Variants in PCDH15 observed in about 807,000 individuals in gnomAD.
PCDH15 encodes the protein protocadherin related 15.
A neutral mutation model predicts 178.5 loss-of-function variants in PCDH15; 129 were observed. The observed-to-expected ratio is 0.72, with a 90% confidence interval of 0.63 to 0.84. PCDH15 has a LOEUF of 0.84. Ranked by LOEUF, PCDH15 falls within the 40% of genes least tolerant of loss-of-function variation. The pLI is 0.00. For missense variants in PCDH15, 2,230 were observed against 2,099.9 expected, an observed-to-expected ratio of 1.06 and a Z score of -1.21; for synonymous variants, 800 against 732.0, an observed-to-expected ratio of 1.09 and a Z score of -1.50.
chr10:54,438,731 C>T (rs2075603572), intron 3 of PCDH15, among the ~76,000 whole-genome samples: 1 of 152,014 alleles, frequency 6.6e-6, no homozygotes, highest in African/African-American at 2.4e-5. Flanking sequence ...ATGCTGAGTG[C>T]CAGCAGGGGA....
intron 2 of PCDH15, among the ~76,000 whole-genome samples, chr10:55,449,667 ATTAATC>A (rs1839392305): frequency 6.6e-6 from 1 of 152,192 alleles, no homozygotes; most frequent in Admixed American, 6.6e-5. Flanking sequence ...AGATTTTTAT[ATTAATC>A]TTAAAGACCT....
At chr10:54,260,391 A>G (rs1348433635) in intron 8 of PCDH15, among the ~76,000 whole-genome samples, 1 of 78,400 alleles carries the variant, frequency 1.3e-5, no homozygotes, top group African/African-American at 4.1e-5. Context: ...TAACTATGCT[A>G]GTTTAAAAAA....
intron 4 of PCDH15, among the ~76,000 whole-genome samples, chr10:54,376,453 T>A (rs1374660755): frequency 7.3e-5 from 11 of 150,834 alleles, no homozygotes; most frequent in African/African-American, 2.2e-4. Flanking sequence ...TATATGAATA[T>A]CATAGTATTA....
chr10:54,768,920 A>C (rs1948798081), intron 1 of PCDH15, among the ~76,000 whole-genome samples: 1 of 152,112 alleles, frequency 6.6e-6, no homozygotes, highest in Admixed American at 6.5e-5. Flanking sequence ...GTTCTGTGCC[A>C]GGACAGGACT....
chr10:54,104,769 G>T (rs956908824), intron 15 of PCDH15, among the ~76,000 whole-genome samples: 1 of 150,442 alleles, frequency 6.6e-6, no homozygotes, highest in African/African-American at 2.5e-5. Flanking sequence ...CCCAGGAGGT[G>T]GAGCTTGCAG....
intron 2 of PCDH15, among the ~76,000 whole-genome samples, chr10:55,014,520 T>A (rs1840123673): frequency 6.7e-6 from 1 of 149,864 alleles, no homozygotes; most frequent in Admixed American, 6.7e-5. Flanking sequence ...AATATTTTTG[T>A]ACTAGTGAGC....
At chr10:54,403,399 A>G (rs1952191809) in intron 3 of PCDH15, among the ~76,000 whole-genome samples, 1 of 152,070 alleles carries the variant, frequency 6.6e-6, no homozygotes, top group Non-Finnish European at 1.5e-5. Flanking sequence ...ACACACATTC[A>G]TGTCAAAAAC....
At chr10:54,231,800 T>C (rs1389934403) in intron 9 of PCDH15, among the ~76,000 whole-genome samples, 1 of 152,126 alleles carries the variant, frequency 6.6e-6, no homozygotes, top group Non-Finnish European at 1.5e-5. Context: ...CCCTCCTGGG[T>C]TTTGGACTTC....
intron 16 of PCDH15, among the ~76,000 whole-genome samples, chr10:54,085,875 G>T (rs1418457802): frequency 6.6e-6 from 1 of 152,086 alleles, no homozygotes; most frequent in East Asian, 1.9e-4. Context: ...GTATTATAAT[G>T]ATGCGTATTG....
intron 3 of PCDH15, among the ~76,000 whole-genome samples, chr10:54,886,202 ATAGTTAATAATAGGAAAAT>A (rs1954355257): frequency 1.3e-5 from 2 of 150,422 alleles, no homozygotes; most frequent in African/African-American, 5.0e-5. Flanking sequence ...CATTTAATTT[ATAGTTAATAATAGGAAAAT>A]ATTTAATCCT....
intron 9 of PCDH15, among the ~76,000 whole-genome samples, chr10:54,219,485 C>T (rs1175801449): frequency 7.4e-6 from 1 of 134,546 alleles, no homozygotes; most frequent in Non-Finnish European, 1.6e-5. Flanking sequence ...CCCAGCTACT[C>T]GGGAGGCTGA....
intron 25 of PCDH15, among the ~76,000 whole-genome samples, chr10:53,918,713 AACACACACACACACACACACAC>A (rs5741702): frequency 0.087 from 12,816 of 147,008 alleles, 1,114 homozygotes; most frequent in East Asian, 0.24. Flanking sequence ...CAAATACACA[AACACACACACACACACACACAC>A]ACACACACAC....
chr10:54,517,418 C>G (rs2082349059), intron 3 of PCDH15, among the ~76,000 whole-genome samples: 1 of 152,106 alleles, frequency 6.6e-6, no homozygotes, highest in African/African-American at 2.4e-5. Context: ...ATCCTAGTCT[C>G]TGATAAAACA....
intron 20 of PCDH15, among the ~76,000 whole-genome samples, chr10:53,996,665 A>C (rs1589826404): frequency 6.6e-6 from 1 of 152,270 alleles, no homozygotes; most frequent in East Asian, 1.9e-4. Flanking sequence ...CCTGAAAGGA[A>C]GACCATATTT....
intron 9 of PCDH15, among the ~76,000 whole-genome samples, chr10:54,229,351 G>T (rs919594420): frequency 1.3e-5 from 2 of 152,134 alleles, no homozygotes; most frequent in African/African-American, 4.8e-5. Context: ...TAAAATACAT[G>T]TATAATTCTT....
intron 2 of PCDH15, among the ~76,000 whole-genome samples, chr10:55,324,646 C>G (rs976173399): frequency 6.6e-6 from 1 of 151,982 alleles, no homozygotes; most frequent in Non-Finnish European, 1.5e-5. Flanking sequence ...TTCAACACAC[C>G]ACTGAGAGTA....
At position 54,369,242 on chromosome 10, in the gene PCDH15, C is replaced by A; in HGVS notation, c.352G>T (p.Val118Phe). 6.2e-7 allele frequency: 1 copy of A among 1,612,732 alleles called. No individual in the cohort carries two copies. Among genetic ancestry groups the A allele is most frequent in the Non-Finnish European group, 8.5e-7 (1 of 1,179,258 alleles). The change falls in exon 5 of 38, where the codon GTC becomes TTC. Residue 118 changes from valine (V) to phenylalanine (F), a missense_variant. Transcript: ENST00000644397. ...PMNIHSIVVQ[V>F]QCINKKVGTI... ...CCCACTTTTTTGTTGATGCACTGGACCTGCACCACAATGGAGTGTATGTTC... is the reference window on the plus strand; with the variant it reads ...CCCACTTTTTTGTTGATGCACTGGAACTGCACCACAATGGAGTGTATGTTC...
At chr10:54,552,893 C>A (rs35542941) in intron 2 of PCDH15, among the ~76,000 whole-genome samples, 14,400 of 152,014 alleles carry the variant, frequency 0.095, 817 homozygotes, top group Non-Finnish European at 0.12. Context: ...CCATGAAATG[C>A]CTACAGATCA....
intron 2 of PCDH15, among the ~76,000 whole-genome samples, chr10:54,974,632 GA>G (rs1382431700): frequency 6.6e-6 from 1 of 151,820 alleles, no homozygotes; most frequent in Non-Finnish European, 1.5e-5. Flanking sequence ...TCTTCTTAAT[GA>G]AATGATTCTT....
Sources: gnomAD v4.1 joint callset for allele counts (sites outside exome capture counted in the v4.1 genomes callset) on GRCh38, gnomAD v4.1.1 for gene constraint, MANE v1.5 for transcripts, NCBI Gene and HGNC (gene_info 2026-07-23, HGNC 2026-07-21) for gene names.